Variants in FER1L6 observed in about 807,000 individuals in gnomAD.
FER1L6 encodes fer-1-like protein 6.
In FER1L6, 177 loss-of-function variants were observed where a neutral mutation model predicts 219.2. The observed-to-expected ratio is 0.81, with a 90% CI of 0.71 to 0.91. FER1L6 has a LOEUF of 0.91. Among genes scored for constraint, FER1L6 ranks in the 40% least tolerant of loss-of-function variants. The pLI is 0.00. For synonymous variants in FER1L6, 768 were observed against 824.3 expected (o/e 0.93, Z 1.17); for missense variants, 2,153 against 2,259.9 (o/e 0.95, Z 0.96).
At chr8:123,950,104 C>G (rs1211030056) in intron 1 of FER1L6, among the ~76,000 whole-genome samples, 1 of 152,204 alleles carries the variant, frequency 6.6e-6, no homozygotes, top group African/African-American at 2.4e-5. Flanking sequence ...GAACCATTTT[C>G]TTCGGCGCCC....
intron 14 of FER1L6, among the ~76,000 whole-genome samples, chr8:124,011,390 T>C (rs974669383): frequency 6.6e-6 from 1 of 152,166 alleles, no homozygotes; most frequent in African/African-American, 2.4e-5. Context: ...GGGTCTTGCT[T>C]TGTCACTCAG....
chr8:123,963,494 A>C lies in FER1L6; in HGVS notation c.197+96A>C, dbSNP rs1815397213. ...TGCTGGGAGAAGAGAGGAGAGTAAGACATAGTCACTGTCTACAGGCAGGCA... is the reference window on the plus strand; with the variant it reads ...TGCTGGGAGAAGAGAGGAGAGTAAGCCATAGTCACTGTCTACAGGCAGGCA... On this transcript the variant is annotated intron_variant, in intron 3 of 40. Transcript: ENST00000522917. The C allele has an allele frequency of 3.5e-6, 5 of 1,424,118 alleles. No homozygotes were observed. The South Asian group carries it at 6.2e-5, about 18-fold the overall frequency. 88.2% of individuals were successfully genotyped at this position (1,424,118 alleles called of 1,614,324 possible).
At position 124,021,653 on chromosome 8, in the gene FER1L6, G is replaced by A. The variant is rs751354187; in HGVS notation, c.2117G>A (p.Arg706His). 6.8e-6 allele frequency: 11 copies of A among 1,614,114 alleles called. No homozygotes were observed. The highest frequency in any genetic ancestry group is 9.3e-6 in the Non-Finnish European group (11 of 1,179,970). Residue 706 changes from arginine to histidine, a missense_variant, in exon 17 of 41, where the codon CGC becomes CAC. Transcript: ENST00000522917. ...HEAQNFVEKI[R>H]FLVDEPQHTI... The stretch of plus-strand genomic sequence containing the variant: ...GCCCAAAACTTTGTGGAAAAAATCC[G>A]CTTTCTTGTTGATGAGGTAACTGAC...
intron 34 of FER1L6, among the ~76,000 whole-genome samples, chr8:124,091,884 T>C (rs373061298): frequency 7.3e-5 from 11 of 151,522 alleles, no homozygotes; most frequent in African/African-American, 2.7e-4. Context: ...CGAGAATCAC[T>C]TGAGCTCAAG....
intron 13 of FER1L6, among the ~76,000 whole-genome samples, chr8:124,005,829 A>T (rs916278521): frequency 6.6e-6 from 1 of 152,218 alleles, no homozygotes; most frequent in African/African-American, 2.4e-5. Context: ...ATCCTAAAGG[A>T]TGAGAATGTG....
intron 21 of FER1L6, among the ~76,000 whole-genome samples, chr8:124,046,985 T>C (rs148331847): frequency 1.1e-4 from 16 of 152,320 alleles, no homozygotes; most frequent in Admixed American, 9.8e-4. Flanking sequence ...TAGATGTGTA[T>C]ATTTATGGAA....
chr8:123,940,883 A>G (rs1190680612), intron 1 of FER1L6, among the ~76,000 whole-genome samples: 1 of 152,202 alleles, frequency 6.6e-6, no homozygotes, highest in Non-Finnish European at 1.5e-5. Context: ...GAACAAGCAC[A>G]GGGAAAGAGG....
At chr8:124,010,454 A>G in intron 13 of FER1L6, 140 bp from the exon 14 acceptor site, 1 of 915,942 alleles carries the variant, frequency 1.1e-6, no homozygotes, top group Non-Finnish European at 1.6e-6. Flanking sequence ...TTATAGATCA[A>G]AGATGGTGTT....
At chr8:123,984,924 A>G (rs1816500005) in intron 11 of FER1L6, 1 of 152,220 alleles carries the variant, frequency 6.6e-6, no homozygotes, top group Non-Finnish European at 1.5e-5. Context: ...AAAACCAGGA[A>G]GCACAGAATG....
chr8:124,079,223 T>C (rs1232676807), intron 32 of FER1L6, among the ~76,000 whole-genome samples: 1 of 152,234 alleles, frequency 6.6e-6, no homozygotes, highest in Non-Finnish European at 1.5e-5. Context: ...TATCTTGATT[T>C]ACCTCTATTA....
At chr8:123,883,255 C>T (rs895130033) in intron 1 of FER1L6, among the ~76,000 whole-genome samples, 41 of 152,056 alleles carry the variant, frequency 2.7e-4, no homozygotes, top group African/African-American at 9.9e-4. Flanking sequence ...TGTGTCTTGC[C>T]CAGGGCTGAC....
In FER1L6 at chr8:124,023,426, C is replaced by T; in HGVS notation, c.2134-18C>T. On this transcript the variant is annotated intron_variant, in intron 17 of 40. Coordinates refer to ENST00000522917, the MANE Select transcript of FER1L6 (RefSeq NM_001039112.2). ...AAATCCCATTCCTATTCAATCCCAA[C>T]TCCCTCTATTCCCACAGCCCCAGCA... is the stretch of plus-strand genomic sequence containing the variant. The T allele has an allele frequency of 1.2e-6, 2 of 1,610,446 alleles. No individual in the cohort carries two copies. Among genetic ancestry groups the T allele is most frequent in the East Asian group, 2.2e-5 (1 of 44,780 alleles).
intron 1 of FER1L6, among the ~76,000 whole-genome samples, chr8:123,954,046 TC>T (rs758906322): frequency 3.9e-5 from 6 of 152,204 alleles, no homozygotes; most frequent in Non-Finnish European, 7.3e-5. Context: ...ACTTTCTATA[TC>T]CCAGATGCTG....
At position 123,859,894 on chromosome 8, in the gene FER1L6, A is replaced by G. The variant is rs1400486096; in HGVS notation, c.-8+7709A>G. ...AAAGGACATGAACTCATCATTTTTT[A>G]TGGCTGCATAGTATTCCATGGTGTA... On this transcript the variant is annotated intron_variant, in intron 1 of 40. Coordinates refer to ENST00000522917, the MANE Select transcript of FER1L6 (RefSeq NM_001039112.2). Among the ~76,000 whole-genome samples the G allele has an allele frequency of 4.1e-5, 6 of 146,954 alleles. 1 individual carries two copies. The highest frequency in any genetic ancestry group is 1.5e-4 in the African/African-American group (6 of 38,988).
At chr8:123,974,816 C>T (rs1450141116) in intron 7 of FER1L6, among the ~76,000 whole-genome samples, 1 of 152,006 alleles carries the variant, frequency 6.6e-6, no homozygotes, top group Admixed American at 6.6e-5. Flanking sequence ...GGTTTATGTC[C>T]TGTGGGTAAA....
At position 123,931,290 on chromosome 8, in the gene FER1L6, C is replaced by T. The variant is rs536622617; in HGVS notation, c.-7-24702C>T. 3.3e-5 allele frequency among the ~76,000 whole-genome samples: 5 copies of T among 152,316 alleles called. No homozygotes were observed. The South Asian group carries it at 1.0e-3, about 32-fold the overall frequency. ...ATGAGTTTTACCCCAGCCTGAGCTT[C>T]TTCCACGGAGACTGGTAGAAGACTG... On this transcript the variant is annotated intron_variant, in intron 1 of 40. Coordinates refer to ENST00000522917, the MANE Select transcript of FER1L6 (RefSeq NM_001039112.2).
intron 20 of FER1L6, among the ~76,000 whole-genome samples, chr8:124,043,652 G>A (rs974809251): frequency 2.7e-4 from 41 of 152,190 alleles, no homozygotes; most frequent in African/African-American, 9.2e-4. Context: ...CGTGGATTTC[G>A]ACTGAGGCAG....
At chr8:124,043,703 A>G (rs147040827) in intron 20 of FER1L6, among the ~76,000 whole-genome samples, 1 of 152,320 alleles carries the variant, frequency 6.6e-6, no homozygotes, top group African/African-American at 2.4e-5. Flanking sequence ...CACTCTCCAT[A>G]CTAACTCTCA....
chr8:124,013,943 T>C (rs1197517184), intron 15 of FER1L6, among the ~76,000 whole-genome samples: 1 of 152,124 alleles, frequency 6.6e-6, no homozygotes, highest in African/African-American at 2.4e-5. Context: ...GAAGGCTCAC[T>C]GAAAATCAAC....
Sources: allele counts gnomAD v4.1 joint callset (sites outside exome capture counted in the v4.1 genomes callset), GRCh38; gene constraint gnomAD v4.1.1; transcripts MANE v1.5; gene names NCBI Gene and HGNC (gene_info 2026-07-23, HGNC 2026-07-21).